PANX1: variants seen among roughly 807,000 people sequenced by gnomAD.
The protein encoded by PANX1 is pannexin-1.
PANX1 carries 30 observed loss-of-function variants against 38.7 expected under a neutral mutation model. The observed-to-expected ratio is 0.78, with a 90% CI of 0.58 to 1.05. PANX1 has a LOEUF of 1.05. Among genes scored for constraint, PANX1 ranks in the 50% least tolerant of loss-of-function variants. PANX1 has a pLI of 0.00. For synonymous variants in PANX1, 230 were observed against 212.2 expected (o/e 1.08, Z -0.73); for missense variants, 551 against 517.2 (o/e 1.07, Z -0.63).
chr11:94,131,225 C>T (rs1946625925), intron 1 of PANX1, among the ~76,000 whole-genome samples: 1 of 152,150 alleles, frequency 6.6e-6, no homozygotes, highest in Non-Finnish European at 1.5e-5. Context: ...GTTAGTCACC[C>T]TCTGTGACCA....
At chr11:94,179,559 C>T (rs925572334) in intron 3 of PANX1, 43 bp from the exon 4 acceptor site, 1 of 1,453,882 alleles carries the variant, frequency 6.9e-7, no homozygotes, top group Non-Finnish European at 9.6e-7. Flanking sequence ...ATTTGATGGT[C>T]TTGATGAGTG....
chr11:94,179,806 A>G lies in PANX1; in HGVS notation c.750A>G (p.Ser250=), dbSNP rs1199326380. The change falls in exon 4 of 5, where the codon TCA becomes TCG. Residue 250 remains serine (S), a synonymous_variant. Transcript: ENST00000227638. The part of the protein sequence containing the change: ...LSDEFVCSIK[S]GILRNDSTVP... ...ACGAGTTTGTGTGCAGCATCAAATCAGGGATCCTGAGAAACGACAGCACCG... is the reference window on the plus strand; with the variant it reads ...ACGAGTTTGTGTGCAGCATCAAATCGGGGATCCTGAGAAACGACAGCACCG... 2 of 1,614,144 alleles carry G rather than the reference A, an allele frequency of 1.2e-6. No individual in the cohort carries two copies. Among genetic ancestry groups the G allele is most frequent in the Non-Finnish European group, 1.7e-6 (2 of 1,180,018 alleles).
At chr11:94,171,768 C>T (rs1411537643) in intron 2 of PANX1, among the ~76,000 whole-genome samples, 1 of 151,264 alleles carries the variant, frequency 6.6e-6, no homozygotes, top group Non-Finnish European at 1.5e-5. Flanking sequence ...CTGTCTTCCT[C>T]CTCCCTTTCT....
At position 94,179,706 on chromosome 11, in the gene PANX1, G is replaced by A. The variant is rs143240087; in HGVS notation, c.650G>A (p.Arg217His). ...TTAATCATCAAGTACATTAGCTGCC[G>A]CCTGCTGACACTCATCATTATACTG... ...NNLIIKYISC[R>H]LLTLIIILLA... Residue 217 changes from arginine to histidine, a missense_variant, in exon 4 of 5, where the codon CGC becomes CAC. Transcript: ENST00000227638. The A allele has an allele frequency of 4.6e-5, 74 of 1,613,548 alleles. No individual in the cohort carries two copies. Among genetic ancestry groups the A allele is most frequent in the Middle Eastern group, 1.6e-4 (1 of 6,080 alleles).
intron 2 of PANX1, among the ~76,000 whole-genome samples, chr11:94,171,585 G>A (rs982815120): frequency 1.3e-5 from 2 of 151,550 alleles, no homozygotes; most frequent in Admixed American, 1.3e-4. Context: ...GACAAAGGAT[G>A]GGGGATTAGA....
chr11:94,164,926 T>C (rs1309214744), intron 2 of PANX1, among the ~76,000 whole-genome samples: 1 of 152,250 alleles, frequency 6.6e-6, no homozygotes, highest in Non-Finnish European at 1.5e-5. Context: ...CATTATATAA[T>C]GACTTACTTT....
chr11:94,179,829 C>T lies in PANX1; in HGVS notation c.773C>T (p.Thr258Ile). 6.2e-7 allele frequency: 1 copy of T among 1,614,126 alleles called. No individual in the cohort carries two copies. The highest frequency in any genetic ancestry group is 8.5e-7 in the Non-Finnish European group (1 of 1,180,030). ...IKSGILRNDS[T>I]VPDQFQCKLI... ...TCAGGGATCCTGAGAAACGACAGCA[C>T]CGTGCCCGATCAGTTTCAGTGCAAA... Residue 258 changes from threonine to isoleucine, a missense_variant, in exon 4 of 5, where the codon ACC (threonine) becomes ATC (isoleucine). Transcript: ENST00000227638.
intron 2 of PANX1, among the ~76,000 whole-genome samples, chr11:94,163,090 C>A (rs1373636842): frequency 6.6e-6 from 1 of 152,074 alleles, no homozygotes; most frequent in Non-Finnish European, 1.5e-5. Flanking sequence ...TTCAAGAGAT[C>A]CACTTATCTT....
chr11:94,137,538 G>A (rs1946709079), intron 1 of PANX1, among the ~76,000 whole-genome samples: 1 of 151,948 alleles, frequency 6.6e-6, no homozygotes, highest in Admixed American at 6.6e-5. Flanking sequence ...TAGGAACTCT[G>A]GGCGAGGCAG....
chr11:94,140,119 T>C (rs1356357583), intron 1 of PANX1, among the ~76,000 whole-genome samples: 3 of 152,210 alleles, frequency 2.0e-5, no homozygotes, highest in African/African-American at 7.2e-5. Flanking sequence ...AAGTGGTGAA[T>C]ATTTCAGTAT....
intron 2 of PANX1, among the ~76,000 whole-genome samples, chr11:94,158,897 G>C (rs945442583): frequency 2.6e-5 from 4 of 152,258 alleles, no homozygotes; most frequent in African/African-American, 7.2e-5. Context: ...GTCATAGATA[G>C]CTCTTATTAT....
At chr11:94,169,099 C>T (rs1947134906) in intron 2 of PANX1, among the ~76,000 whole-genome samples, 1 of 151,444 alleles carries the variant, frequency 6.6e-6, no homozygotes, top group Non-Finnish European at 1.5e-5. Context: ...CTGGAGATTG[C>T]AGGCTAGAAT....
In PANX1 at chr11:94,180,825, G is replaced by T. The variant is rs375269852; in HGVS notation, c.1237G>T (p.Gly413Ter). 7 of 1,591,718 alleles carry T rather than the reference G, an allele frequency of 4.4e-6. No individual in the cohort carries two copies. The highest frequency in any genetic ancestry group is 6.0e-6 in the Non-Finnish European group (7 of 1,159,764). Residue 413 changes from glycine to a stop codon, truncating the protein, a stop_gained, in exon 5 of 5, where the codon GGA (glycine) becomes TGA (stop). Coordinates refer to ENST00000227638, the MANE Select transcript of PANX1 (RefSeq NM_015368.4). LOFTEE classifies it high-confidence loss of function. ...NIDSETKANN[G>*]EKNARQRLLD... is the part of the protein sequence containing the mutation. ...AGACAGTGAAACTAAAGCAAATAATGGAGAGAAGAATGCCCGACAGAGACT... is the reference window on the plus strand; with the variant it reads ...AGACAGTGAAACTAAAGCAAATAATTGAGAGAAGAATGCCCGACAGAGACT...
chr11:94,140,416 T>G (rs1340574349), intron 1 of PANX1, among the ~76,000 whole-genome samples: 2 of 152,276 alleles, frequency 1.3e-5, no homozygotes, highest in East Asian at 3.8e-4. Flanking sequence ...TGTTCCTGTT[T>G]AGTGCATATT....
At chr11:94,150,675 A>T (rs1466838893) in intron 1 of PANX1, among the ~76,000 whole-genome samples, 1 of 149,546 alleles carries the variant, frequency 6.7e-6, no homozygotes, top group African/African-American at 2.5e-5. Flanking sequence ...CCCCCTCTTC[A>T]CTCCTGCTCT....
intron 1 of PANX1, among the ~76,000 whole-genome samples, chr11:94,150,210 G>T (rs1028434767): frequency 7.9e-5 from 12 of 152,148 alleles, no homozygotes; most frequent in African/African-American, 2.4e-4. Context: ...AGATCTGAGT[G>T]CATATCAGGC....
intron 1 of PANX1, among the ~76,000 whole-genome samples, chr11:94,152,687 CTG>C (rs1473342949): frequency 6.6e-6 from 1 of 152,160 alleles, no homozygotes; most frequent in Non-Finnish European, 1.5e-5. Flanking sequence ...CCTCCATGGC[CTG>C]TGTGTGTCAG....
chr11:94,152,921 A>G (rs1248701618), intron 1 of PANX1, among the ~76,000 whole-genome samples: 1 of 152,090 alleles, frequency 6.6e-6, no homozygotes, highest in Non-Finnish European at 1.5e-5. Flanking sequence ...TCCCTTCCAA[A>G]TGTAAACCAG....
intron 2 of PANX1, among the ~76,000 whole-genome samples, chr11:94,167,941 C>T (rs578037939): frequency 6.6e-6 from 1 of 152,264 alleles, no homozygotes; most frequent in East Asian, 1.9e-4. Context: ...AATGCTGCTG[C>T]AGAGAAGCCA....
Sources: gnomAD v4.1 joint callset for allele counts (sites outside exome capture counted in the v4.1 genomes callset) on GRCh38, gnomAD v4.1.1 for gene constraint, MANE v1.5 for transcripts, NCBI Gene and HGNC (gene_info 2026-07-23, HGNC 2026-07-21) for gene names.